The following PASD1 variants were observed in gnomAD, a reference collection of about 807,000 sequenced individuals.
The protein encoded by PASD1 is PAS domain containing repressor 1, also known as circadian clock protein PASD1.
PASD1 carries 13 observed loss-of-function variants against 58.8 expected under a neutral mutation model. The ratio of observed to expected loss-of-function variants is 0.22; its 90% CI spans 0.14 to 0.35. The LOEUF is 0.35. Ranked by LOEUF, PASD1 falls within the 10% of genes least tolerant of loss-of-function variation. The pLI is 1.00. For synonymous variants in PASD1, 236 were observed against 216.7 expected (o/e 1.09, Z -0.78); for missense variants, 734 against 568.3 (o/e 1.29, Z -2.96).
rs916054530 is a variant in PASD1 at position 151,611,609 on chromosome X, T to C, written c.118-55T>C. 4 of 857,360 alleles carry C rather than the reference T, an allele frequency of 4.7e-6. No individual in the cohort carries two copies. The Admixed American group carries it at 8.4e-5, about 18-fold the overall frequency. The allele number at this position is 857,360 out of a possible 1,213,427, so 70.7% of individuals were successfully genotyped here. On this transcript the variant is annotated intron_variant, in intron 3 of 15. Transcript: ENST00000370357. ...TTATCTATGCATTTAGCAATAAAAC[T>C]ATCATTTTATTATTGTTCCACTATT...
chrX:151,613,855 T>A (rs980510142), intron 4 of PASD1, among the ~76,000 whole-genome samples: 18 of 111,649 alleles, frequency 1.6e-4, no homozygotes, highest in Non-Finnish European at 3.2e-4. Context: ...AAATTTATAT[T>A]TTATAGTTTT....
At chrX:151,660,492 C>T (rs1379172719) in intron 10 of PASD1, among the ~76,000 whole-genome samples, 1 of 112,252 alleles carries the variant, frequency 8.9e-6, no homozygotes, top group African/African-American at 3.2e-5. Context: ...TCCATTGTTG[C>T]TGTCAATCTC....
intron 1 of PASD1, among the ~76,000 whole-genome samples, chrX:151,565,702 C>T (rs1402752043): frequency 2.7e-5 from 3 of 109,722 alleles, no homozygotes; most frequent in East Asian, 2.9e-4. Flanking sequence ...GGACTATAGG[C>T]GCCCGCTACC....
At chrX:151,666,811 T>C (rs1465850942) in intron 11 of PASD1, among the ~76,000 whole-genome samples, 5 of 105,930 alleles carry the variant, frequency 4.7e-5, no homozygotes, top group Non-Finnish European at 9.6e-5. Context: ...TGGTTCCTAG[T>C]CTTTGCTATT....
At chrX:151,567,074 AAATAAATAAATAAAT>A (rs2012856347) in intron 1 of PASD1, among the ~76,000 whole-genome samples, 1 of 95,362 alleles carries the variant, frequency 1.0e-5, no homozygotes, top group African/African-American at 4.4e-5. Context: ...ATAAATAAAT[AAATAAATAAATAAAT>A]AAATAAAATA....
intron 9 of PASD1, among the ~76,000 whole-genome samples, chrX:151,651,003 G>A (rs1212945762): frequency 9.0e-6 from 1 of 111,556 alleles, no homozygotes; most frequent in Admixed American, 9.5e-5. Context: ...CATATTGATT[G>A]GCATATTCAC....
In PASD1 at chrX:151,621,506, A is replaced by G; in HGVS notation, c.332A>G (p.His111Arg). ...GAAACACATATTGAATTTTGCTGTC[A>G]TTTAAAAAGAGGAAATGTCGAACAT... is the stretch of plus-strand genomic sequence containing the variant. ...NSETHIEFCCHLKRGNVEHGD... is the reference protein window; with the variant it reads ...NSETHIEFCCRLKRGNVEHGD... The change falls in exon 6 of 16, where the codon CAT (histidine) becomes CGT (arginine). Residue 111 changes from histidine to arginine, a missense_variant. Physicochemically the swap from His to Arg is conservative, Grantham distance 29. Coordinates refer to ENST00000370357, the MANE Select transcript of PASD1 (RefSeq NM_173493.3). 8.3e-7 allele frequency: 1 copy of G among 1,204,055 alleles called. No homozygotes were observed. The highest frequency in any genetic ancestry group is 1.7e-5 in the African/African-American group (1 of 57,603).
At position 151,606,781 on chromosome X, in the gene PASD1, ACAT is replaced by A. The variant is rs1330319096; in HGVS notation, c.117+2048_117+2050del. On this transcript the variant is annotated intron_variant, in intron 3 of 15. Transcript: ENST00000370357. ...TAATCAAAATGCCAAAAGCAAGCAGACATACAGAAAATGAGTAGAGAAGCAAAG... is the reference window on the plus strand; with the variant it reads ...TAATCAAAATGCCAAAAGCAAGCAGAACAGAAAATGAGTAGAGAAGCAAAG... Among the ~76,000 whole-genome samples the A allele has an allele frequency of 2.7e-5, 3 of 110,567 alleles. 1 individual carries two copies. The highest frequency in any genetic ancestry group is 9.9e-5 in the African/African-American group (3 of 30,379).
chrX:151,586,619 T>C (rs146233697), intron 1 of PASD1, among the ~76,000 whole-genome samples: 118 of 111,743 alleles, frequency 1.1e-3, no homozygotes, highest in African/African-American at 3.5e-3. Flanking sequence ...ATTTTGGCTC[T>C]ACCTCTGCTG....
chrX:151,669,062 T>G (rs1414872503), intron 11 of PASD1, among the ~76,000 whole-genome samples: 2 of 108,687 alleles, frequency 1.8e-5, no homozygotes, highest in East Asian at 5.7e-4. Context: ...TTTATTACTG[T>G]TTTTTAAACT....
chrX:151,611,679 A>C lies in PASD1; in HGVS notation c.133A>C (p.Met45Leu), dbSNP rs1158734064. ...TCGTCATTAGTTATTAGATGGCTTT[A>C]TGATTACACTGAGCACAGATGGAGT... ...QVTLQLLDGF[M>L]ITLSTDGVII... is the part of the protein sequence containing the mutation. Residue 45 changes from methionine to leucine, a missense_variant, in exon 4 of 16, where the codon ATG (methionine) becomes CTG (leucine). By Grantham distance (15) the Met-to-Leu change is conservative. Coordinates refer to ENST00000370357, the MANE Select transcript of PASD1 (RefSeq NM_173493.3). 1.7e-6 allele frequency: 2 copies of C among 1,192,308 alleles called. No homozygotes were observed. The highest frequency in any genetic ancestry group is 3.5e-5 in the African/African-American group (2 of 56,583).
At chrX:151,617,914 A>G (rs1319813639) in intron 4 of PASD1, among the ~76,000 whole-genome samples, 2 of 112,259 alleles carry the variant, frequency 1.8e-5, no homozygotes, top group Non-Finnish European at 3.8e-5. Flanking sequence ...GAACATACCT[A>G]GAACAGTGAC....
intron 9 of PASD1, among the ~76,000 whole-genome samples, chrX:151,655,022 G>A (rs1480779179): frequency 9.2e-6 from 1 of 108,894 alleles, no homozygotes; most frequent in African/African-American, 3.3e-5. Flanking sequence ...CCCCATGACA[G>A]GCCCTGGTGT....
At chrX:151,592,858 G>A (rs1410090784) in intron 1 of PASD1, among the ~76,000 whole-genome samples, 2 of 111,747 alleles carry the variant, frequency 1.8e-5, no homozygotes, top group East Asian at 5.6e-4. Context: ...GTGGTGTTCT[G>A]TAAATATTAT....
intron 15 of PASD1, among the ~76,000 whole-genome samples, chrX:151,675,590 T>A (rs2014533931): frequency 8.9e-6 from 1 of 112,274 alleles, no homozygotes; most frequent in Admixed American, 9.4e-5. Context: ...CCAGTGTGGG[T>A]TGGTACGTCT....
At chrX:151,604,096 T>C (rs2013455146) in intron 2 of PASD1, among the ~76,000 whole-genome samples, 1 of 111,035 alleles carries the variant, frequency 9.0e-6, no homozygotes, top group African/African-American at 3.3e-5. Flanking sequence ...CACTTCTCAT[T>C]GAGGAAACCA....
chrX:151,619,683 G>T (rs1383217405), intron 4 of PASD1, among the ~76,000 whole-genome samples: 2 of 111,484 alleles, frequency 1.8e-5, no homozygotes, highest in African/African-American at 6.5e-5. Context: ...ATTTGATTTG[G>T]CAATATGGAG....
At chrX:151,635,570 C>T (rs1472394287) in intron 8 of PASD1, among the ~76,000 whole-genome samples, 1 of 112,217 alleles carries the variant, frequency 8.9e-6, no homozygotes, top group Non-Finnish European at 1.9e-5. Context: ...CCTGGCCCCA[C>T]TGTCCTCAAT....
At position 151,664,289 on chromosome X, in the gene PASD1, ATGGATCCAG is replaced by A. The variant is rs746069012; in HGVS notation, c.1022_1030del (p.Val341_Pro343del). ...TGCCCCGTTGGACCAGGCAGGCCTGATGGATCCAGTGGATCCAGAGGACTCAGTGGACCT... is the reference window on the plus strand; with the variant it reads ...TGCCCCGTTGGACCAGGCAGGCCTGATGGATCCAGAGGACTCAGTGGACCT... On this transcript the variant is annotated inframe_deletion, in exon 11 of 16. Transcript: ENST00000370357. 56 of 1,209,511 alleles carry A rather than the reference ATGGATCCAG, an allele frequency of 4.6e-5. No homozygotes were observed. Among genetic ancestry groups the A allele is most frequent in the Non-Finnish European group, 6.3e-5 (56 of 895,034 alleles).
Sources: gnomAD v4.1 joint callset for allele counts (sites outside exome capture counted in the v4.1 genomes callset) on GRCh38, gnomAD v4.1.1 for gene constraint, MANE v1.5 for transcripts, NCBI Gene and HGNC (gene_info 2026-07-23, HGNC 2026-07-21) for gene names.